Variants in SOX6 observed in about 807,000 individuals in gnomAD.
The protein encoded by SOX6 is transcription factor SOX-6.
A neutral mutation model predicts 97.8 loss-of-function variants in SOX6; 11 were observed. The observed-to-expected ratio is 0.11, with a 90% CI of 0.07 to 0.19. The LOEUF (loss-of-function observed/expected upper bound fraction) is 0.19. Ranked by LOEUF, SOX6 falls within the 10% of genes least tolerant of loss-of-function variation. The pLI, the probability that SOX6 is intolerant of heterozygous loss-of-function variation, is 1.00. For missense variants in SOX6, 810 were observed against 1,039.5 expected (o/e 0.78, Z 3.04); for synonymous variants, 360 against 371.4 (o/e 0.97, Z 0.35).
intron 1 of SOX6, among the ~76,000 whole-genome samples, chr11:16,369,655 A>G (rs1055303547): frequency 2.0e-5 from 3 of 152,222 alleles, no homozygotes; most frequent in Admixed American, 6.5e-5. Context: ...TGAGTGTTTT[A>G]CATTACTAAT....
At chr11:16,655,332 T>A (rs570001629) in intron 3 of SOX6, among the ~76,000 whole-genome samples, 16 of 152,082 alleles carry the variant, frequency 1.1e-4, no homozygotes, top group Admixed American at 1.0e-3. Flanking sequence ...CCAGAAAGGA[T>A]TTTGACAACT....
intron 13 of SOX6, among the ~76,000 whole-genome samples, chr11:15,997,374 TTA>T (rs1224579050): frequency 2.6e-5 from 4 of 152,178 alleles, no homozygotes; most frequent in Non-Finnish European, 5.9e-5. Flanking sequence ...TTAATTAAGT[TTA>T]TGAGGCAGCA....
At chr11:16,044,812 G>T (rs960745862) in intron 12 of SOX6, among the ~76,000 whole-genome samples, 2 of 152,142 alleles carry the variant, frequency 1.3e-5, no homozygotes, top group African/African-American at 4.8e-5. Flanking sequence ...CAGTAAGGTT[G>T]TCTACTGAGA....
intron 9 of SOX6, among the ~76,000 whole-genome samples, chr11:16,071,504 C>T (rs947262847): frequency 6.6e-6 from 1 of 151,834 alleles, no homozygotes; most frequent in Non-Finnish European, 1.5e-5. Flanking sequence ...CCTATTTCTG[C>T]CTGGATTTGC....
intron 4 of SOX6, among the ~76,000 whole-genome samples, chr11:16,507,167 C>A (rs572728024): frequency 6.6e-6 from 1 of 152,244 alleles, no homozygotes; most frequent in African/African-American, 2.4e-5. Context: ...TGCCTGCTTC[C>A]CCTTTGCCCT....
intron 6 of SOX6, among the ~76,000 whole-genome samples, chr11:16,138,646 C>T (rs1850041197): frequency 6.6e-6 from 1 of 151,884 alleles, no homozygotes; most frequent in East Asian, 1.9e-4. Flanking sequence ...GTGTGCTGCA[C>T]CCATTAACTC....
At chr11:16,685,507 A>G (rs1847962117) in intron 3 of SOX6, among the ~76,000 whole-genome samples, 1 of 152,242 alleles carries the variant, frequency 6.6e-6, no homozygotes, top group Admixed American at 6.5e-5. Context: ...CATTCATTAA[A>G]CCTTAAAGCT....
chr11:15,977,551 G>T (rs1853523563), intron 15 of SOX6, among the ~76,000 whole-genome samples: 1 of 151,454 alleles, frequency 6.6e-6, no homozygotes, highest in South Asian at 2.1e-4. Flanking sequence ...TCTTTACCCA[G>T]TTCCAATTCC....
chr11:16,673,925 C>T (rs913995440), intron 3 of SOX6, among the ~76,000 whole-genome samples: 1 of 152,140 alleles, frequency 6.6e-6, no homozygotes, highest in Non-Finnish European at 1.5e-5. Flanking sequence ...CGTGGTGGCT[C>T]ATGCCTGTAA....
chr11:16,080,101 A>G (rs934379656), intron 9 of SOX6, among the ~76,000 whole-genome samples: 1 of 151,010 alleles, frequency 6.6e-6, no homozygotes, highest in Non-Finnish European at 1.5e-5. Flanking sequence ...AAAAAAAAAA[A>G]CATTCTCATC....
chr11:16,731,994 T>A (rs1848353827), intron 2 of SOX6, among the ~76,000 whole-genome samples: 1 of 152,142 alleles, frequency 6.6e-6, no homozygotes, highest in African/African-American at 2.4e-5. Flanking sequence ...CCACAATTGC[T>A]ACAAAGAGAA....
intron 9 of SOX6, among the ~76,000 whole-genome samples, chr11:16,063,270 C>A (rs1356998483): frequency 6.6e-6 from 1 of 150,828 alleles, no homozygotes; most frequent in African/African-American, 2.4e-5. Flanking sequence ...AGATTTAACC[C>A]AAAGCAGTAG....
chr11:16,712,497 T>C (rs577090088), intron 3 of SOX6, among the ~76,000 whole-genome samples: 79 of 152,272 alleles, frequency 5.2e-4, no homozygotes, highest in African/African-American at 1.9e-3. Context: ...TCCCTGATCA[T>C]TAGTGATGTT....
intron 6 of SOX6, among the ~76,000 whole-genome samples, chr11:16,146,524 C>T (rs1195511439): frequency 1.3e-5 from 2 of 152,264 alleles, no homozygotes; most frequent in African/African-American, 4.8e-5. Context: ...AACTAAAGAG[C>T]TTCTGCACAG....
At chr11:16,335,949 T>C (rs949752797) in intron 2 of SOX6, among the ~76,000 whole-genome samples, 21 of 152,312 alleles carry the variant, frequency 1.4e-4, no homozygotes, top group African/African-American at 4.8e-4. Context: ...TATTGACATC[T>C]TTTATTTAAG....
At chr11:16,055,317 G>A (rs1358423802) in intron 10 of SOX6, among the ~76,000 whole-genome samples, 2 of 151,884 alleles carry the variant, frequency 1.3e-5, no homozygotes, top group East Asian at 1.9e-4. Flanking sequence ...TACAGAGTCC[G>A]ACATCAAATT....
intron 3 of SOX6, among the ~76,000 whole-genome samples, chr11:16,309,779 C>A (rs1855544361): frequency 6.6e-6 from 1 of 151,884 alleles, no homozygotes; most frequent in South Asian, 2.1e-4. Context: ...AATACAGATC[C>A]CAAAACTGTC....
chr11:15,999,612 G>A (rs1854338061), intron 13 of SOX6, among the ~76,000 whole-genome samples: 3 of 151,930 alleles, frequency 2.0e-5, no homozygotes, highest in African/African-American at 7.2e-5. Flanking sequence ...TTTTTGAAAG[G>A]TTCTTTTTTC....
At chr11:16,368,083 T>C (rs1590163795) in intron 1 of SOX6, among the ~76,000 whole-genome samples, 1 of 152,178 alleles carries the variant, frequency 6.6e-6, no homozygotes, top group South Asian at 2.1e-4. Flanking sequence ...GGACTTACTA[T>C]AGTCTCTTAC....
Sources: allele counts gnomAD v4.1 joint callset (sites outside exome capture counted in the v4.1 genomes callset), GRCh38; gene constraint gnomAD v4.1.1; transcripts MANE v1.5; gene names NCBI Gene and HGNC (gene_info 2026-07-23, HGNC 2026-07-21).